Variants in ZNF800 observed in about 807,000 individuals in gnomAD.
ZNF800 encodes zinc finger protein 800.
In ZNF800, 13 loss-of-function variants were observed where a neutral mutation model predicts 59.5. That is an observed-to-expected ratio of 0.22 (90% CI 0.14 to 0.35). The LOEUF (loss-of-function observed/expected upper bound fraction) is 0.35. ZNF800 is among the 10% of genes least tolerant of loss of function. The probability of loss-of-function intolerance (pLI) is 1.00; values close to 1 mark genes in which losing one functional copy is unlikely to be tolerated. For synonymous variants in ZNF800, 266 were observed against 265.7 expected (o/e 1.00, Z -0.01); for missense variants, 621 against 783.7 (o/e 0.79, Z 2.48).
At chr7:127,352,200 T>A (rs1487451686) in intron 1 of ZNF800, among the ~76,000 whole-genome samples, 1 of 152,210 alleles carries the variant, frequency 6.6e-6, no homozygotes, top group Non-Finnish European at 1.5e-5. Context: ...CCCAAAAGAC[T>A]GTCTTTGATA....
At chr7:127,345,054 C>T (rs1800032796), downstream of ZNF800, among the ~76,000 whole-genome samples, 2 of 152,186 alleles carry the variant, frequency 1.3e-5, no homozygotes, top group Admixed American at 1.3e-4. Context: ...AGCAAAATGT[C>T]TGCAGCATGC....
Position 127,370,055 on chromosome 7 carries a change from T to A in ZNF800, c.*1759A>T, listed in dbSNP as rs1314383160. On this transcript the variant is annotated 3_prime_UTR_variant, in exon 6 of 6. Transcript: ENST00000265827. ...GATAACACCTTGCAAAAGTCAAACA[T>A]ATAGGTTTAATAATGTGCAACTAAT... 1.3e-5 allele frequency: 2 copies of A among 152,096 alleles called. No homozygotes were observed. Among genetic ancestry groups the A allele is most frequent in the African/African-American group, 4.8e-5 (2 of 41,426 alleles). The allele number at this position is 152,096 out of a possible 1,614,324, so 9.4% of individuals were successfully genotyped here. A position where few individuals can be genotyped will look rare whatever the true frequency, so the allele number is the denominator to read the frequency against.
At chr7:127,351,310 C>A (rs1462508281) in intron 1 of ZNF800, 2 of 152,226 alleles carry the variant, frequency 1.3e-5, no homozygotes, top group African/African-American at 2.4e-5. Context: ...TAGACCAAAG[C>A]CAGTCTCTTT....
chr7:127,357,646 T>G (rs1200495829), intron 1 of ZNF800, among the ~76,000 whole-genome samples: 1 of 152,100 alleles, frequency 6.6e-6, no homozygotes, highest in Non-Finnish European at 1.5e-5. Context: ...AATTGCTTTA[T>G]TTTTTAAAAT....
intron 1 of ZNF800, chr7:127,348,137 C>G (rs988275528): frequency 1.3e-5 from 2 of 152,140 alleles, no homozygotes; most frequent in Admixed American, 1.3e-4. Context: ...CCTCTCAGCC[C>G]CGCAAGAGCT....
intron 1 of ZNF800, chr7:127,361,394 T>C (rs940740864): frequency 2.0e-5 from 3 of 151,948 alleles, no homozygotes; most frequent in African/African-American, 7.3e-5. Flanking sequence ...CTGAGCAACA[T>C]AGAGAGACCT....
chr7:127,384,284 ACTG>A (rs2117182070), intron 3 of ZNF800, among the ~76,000 whole-genome samples: 1 of 120,514 alleles, frequency 8.3e-6, no homozygotes, highest in Admixed American at 1.1e-4. Flanking sequence ...TCCAGGCCGG[ACTG>A]CAGTGGCGCT....
chr7:127,349,856 T>C (rs574638856), intron 1 of ZNF800: 1 of 152,352 alleles, frequency 6.6e-6, no homozygotes, highest in Admixed American at 6.5e-5. Flanking sequence ...CATTTATTAT[T>C]GGTGCTACAG....
intron 1 of ZNF800, among the ~76,000 whole-genome samples, chr7:127,352,490 G>C (rs903197704): frequency 6.6e-6 from 1 of 152,222 alleles, no homozygotes; most frequent in Non-Finnish European, 1.5e-5. Context: ...CTGAGTGGCA[G>C]TTGCATTCCT....
At chr7:127,385,905 T>C (rs1004499854) in intron 3 of ZNF800, among the ~76,000 whole-genome samples, 155 bp downstream of exon 3, 1 of 152,120 alleles carries the variant, frequency 6.6e-6, no homozygotes, top group African/African-American at 2.4e-5. Context: ...TCAGTATTTA[T>C]ACATCCACTT....
At chr7:127,356,489 C>T (rs1248734132) in intron 1 of ZNF800, among the ~76,000 whole-genome samples, 1 of 151,934 alleles carries the variant, frequency 6.6e-6, no homozygotes, top group Non-Finnish European at 1.5e-5. Context: ...ATCCTTCAAA[C>T]ACCCAAATAC....
intron 2 of ZNF800, among the ~76,000 whole-genome samples, chr7:127,387,977 C>T (rs1250603341): frequency 1.3e-5 from 2 of 151,736 alleles, no homozygotes; most frequent in African/African-American, 4.8e-5. Flanking sequence ...CTGACATTGG[C>T]ACTAACTGCA....
In ZNF800 at chr7:127,374,096, C is replaced by A; in HGVS notation, c.1240G>T (p.Asp414Tyr). The A allele has an allele frequency of 6.2e-7, 1 of 1,614,036 alleles. No individual in the cohort carries two copies. Among genetic ancestry groups the A allele is most frequent in the Non-Finnish European group, 8.5e-7 (1 of 1,180,002 alleles). The change falls in exon 5 of 6, where the codon GAT becomes TAT. Residue 414 changes from aspartate (D) to tyrosine (Y), a missense_variant. By Grantham distance (160) the Asp-to-Tyr change is radical (BLOSUM62 -3). Coordinates refer to ENST00000265827, the MANE Select transcript of ZNF800 (RefSeq NM_176814.5). ...GAAGGGGGTGAAGATTCTACAGAATCTGCTGGTTCAACTTTAACTTTTATT... is the reference window on the plus strand; with the variant it reads ...GAAGGGGGTGAAGATTCTACAGAATATGCTGGTTCAACTTTAACTTTTATT... ...SEIKVKVEPA[D>Y]SVESSPPSIT...
downstream of ZNF800, among the ~76,000 whole-genome samples, chr7:127,365,044 G>A (rs1052077891): frequency 1.3e-5 from 2 of 152,058 alleles, no homozygotes; most frequent in Admixed American, 6.6e-5. Flanking sequence ...GAAGTGGAAG[G>A]CAAGCTGCAT....
downstream of ZNF800, among the ~76,000 whole-genome samples, chr7:127,343,200 A>G (rs1161650085): frequency 1.3e-5 from 2 of 151,858 alleles, no homozygotes; most frequent in Non-Finnish European, 2.9e-5. Context: ...CAAAATAAAC[A>G]TTAAAAATAA....
At chr7:127,365,698 C>T (rs544610873), downstream of ZNF800, among the ~76,000 whole-genome samples, 32 of 152,166 alleles carry the variant, frequency 2.1e-4, no homozygotes, top group African/African-American at 7.7e-4. Context: ...AAAAATGGCA[C>T]CAAACTCCAG....
At chr7:127,391,669 G>A in intron 1 of ZNF800, 54 bp from the exon 2 acceptor site, 1 of 922,370 alleles carries the variant, frequency 1.1e-6, no homozygotes, top group Non-Finnish European at 1.8e-6. Flanking sequence ...GGGGGGCACT[G>A]GCTGCATTTT....
chr7:127,390,559 C>T (rs369667867), intron 2 of ZNF800, among the ~76,000 whole-genome samples: 28 of 152,256 alleles, frequency 1.8e-4, no homozygotes, highest in East Asian at 7.7e-4. Flanking sequence ...AAAATGAACT[C>T]TACTGTGATA....
chr7:127,345,256 C>CTTG (rs933472633), downstream of ZNF800, among the ~76,000 whole-genome samples: 105 of 151,912 alleles, frequency 6.9e-4, 1 homozygote, highest in African/African-American at 2.4e-3. Context: ...GACATCCAAA[C>CTTG]ATGGTCTCTT....
Sources: gnomAD v4.1 joint callset for allele counts (sites outside exome capture counted in the v4.1 genomes callset) on GRCh38, gnomAD v4.1.1 for gene constraint, MANE v1.5 for transcripts, NCBI Gene and HGNC (gene_info 2026-07-23, HGNC 2026-07-21) for gene names.